GPC5: variants seen among roughly 807,000 people sequenced by gnomAD.
GPC5 encodes glypican-5.
Under a neutral mutation model 53.9 loss-of-function variants are expected in GPC5, and 47 were observed. That is an observed-to-expected ratio of 0.87 (90% CI 0.69 to 1.11). GPC5 has a LOEUF of 1.11. GPC5 is among the 50% of genes most tolerant of loss of function. GPC5 has a pLI of 0.00. For synonymous variants in GPC5, 286 were observed against 263.3 expected (o/e 1.09, Z -0.84); for missense variants, 748 against 713.1 (o/e 1.05, Z -0.56).
At chr13:92,676,690 G>A (rs1290646668) in intron 7 of GPC5, among the ~76,000 whole-genome samples, 12 of 152,164 alleles carry the variant, frequency 7.9e-5, no homozygotes, top group Middle Eastern at 3.4e-3. Context: ...CCTACCCCAC[G>A]ACTATTCAAC....
intron 6 of GPC5, among the ~76,000 whole-genome samples, chr13:92,053,911 A>G (rs1405378001): frequency 6.6e-6 from 1 of 151,878 alleles, no homozygotes; most frequent in Non-Finnish European, 1.5e-5. Flanking sequence ...AGGCGCCTGT[A>G]ATCCCAGCTC....
chr13:92,416,401 A>G (rs7330285), intron 7 of GPC5, among the ~76,000 whole-genome samples: 7 of 152,194 alleles, frequency 4.6e-5, no homozygotes, highest in African/African-American at 1.7e-4. Flanking sequence ...TGCAGATTTG[A>G]TAGTGAGAAT....
At chr13:92,619,956 T>G (rs922270412) in intron 7 of GPC5, among the ~76,000 whole-genome samples, 1 of 152,052 alleles carries the variant, frequency 6.6e-6, no homozygotes, top group African/African-American at 2.4e-5. Flanking sequence ...CAGTATATAA[T>G]GCTAAAATAA....
At chr13:91,641,449 G>A (rs2034428274) in intron 2 of GPC5, among the ~76,000 whole-genome samples, 1 of 152,184 alleles carries the variant, frequency 6.6e-6, no homozygotes, top group Non-Finnish European at 1.5e-5. Context: ...AACACACACT[G>A]GGGCCTGTTG....
At chr13:92,804,659 G>A (rs1454658592) in intron 7 of GPC5, among the ~76,000 whole-genome samples, 2 of 151,896 alleles carry the variant, frequency 1.3e-5, no homozygotes, top group African/African-American at 2.4e-5. Context: ...GATTGGCTGT[G>A]GCAATTTCTT....
At chr13:91,540,223 A>G (rs1322161138) in intron 2 of GPC5, among the ~76,000 whole-genome samples, 2 of 152,216 alleles carry the variant, frequency 1.3e-5, no homozygotes, top group African/African-American at 4.8e-5. Flanking sequence ...TGGCCCTTCC[A>G]GACTCTCTTC....
At chr13:92,525,558 TG>T in intron 7 of GPC5, among the ~76,000 whole-genome samples, 1 of 151,322 alleles carries the variant, frequency 6.6e-6, no homozygotes, top group African/African-American at 2.4e-5. Flanking sequence ...ATAAATATAA[TG>T]GCAGAAAGTT....
rs1879011619 is a variant in GPC5 at position 92,856,694 on chromosome 13, C to A, written c.1562-9588C>A. 2.6e-5 allele frequency among the ~76,000 whole-genome samples: 4 copies of A among 152,028 alleles called. No homozygotes were observed. The South Asian group carries it at 8.3e-4, about 32-fold the overall frequency. On this transcript the variant is annotated intron_variant, in intron 7 of 7. Transcript: ENST00000377067. ...ATTATTACTATATACTAATAACATTCAAGCTGAGAGCCAAATCAATAGCAT... is the reference window on the plus strand; with the variant it reads ...ATTATTACTATATACTAATAACATTAAAGCTGAGAGCCAAATCAATAGCAT...
At chr13:92,782,675 T>C (rs1293679935) in intron 7 of GPC5, among the ~76,000 whole-genome samples, 1 of 152,184 alleles carries the variant, frequency 6.6e-6, no homozygotes, top group Non-Finnish European at 1.5e-5. Context: ...CAATATTACA[T>C]TATTCTTGCT....
chr13:92,560,897 G>GTGTGTA (rs1594305468), intron 7 of GPC5, among the ~76,000 whole-genome samples: 1 of 149,572 alleles, frequency 6.7e-6, no homozygotes, highest in Non-Finnish European at 1.5e-5. Flanking sequence ...GTGTGTGTGT[G>GTGTGTA]TATACATATA....
intron 2 of GPC5, among the ~76,000 whole-genome samples, chr13:91,490,246 T>C (rs1166724575): frequency 6.6e-6 from 1 of 152,020 alleles, no homozygotes; most frequent in Non-Finnish European, 1.5e-5. Context: ...TGAATTTGAG[T>C]GAGATACAGC....
At chr13:91,645,621 A>C (rs1277503001) in intron 2 of GPC5, among the ~76,000 whole-genome samples, 1 of 152,208 alleles carries the variant, frequency 6.6e-6, no homozygotes, top group Non-Finnish European at 1.5e-5. Context: ...GGTCACTTTG[A>C]GAAAGGATTT....
At chr13:92,174,718 C>A (rs557156368) in intron 7 of GPC5, among the ~76,000 whole-genome samples, 3 of 152,122 alleles carry the variant, frequency 2.0e-5, no homozygotes, top group Non-Finnish European at 4.4e-5. Flanking sequence ...GTCAAAAATA[C>A]GGTTCTATTC....
chr13:92,455,296 T>G (rs1483876053), intron 7 of GPC5, among the ~76,000 whole-genome samples: 2 of 152,210 alleles, frequency 1.3e-5, no homozygotes, highest in East Asian at 3.8e-4. Flanking sequence ...ATCTCAGTAT[T>G]CTGCTCAAGG....
intron 6 of GPC5, among the ~76,000 whole-genome samples, chr13:92,008,196 G>A (rs1486105932): frequency 2.6e-5 from 4 of 151,410 alleles, no homozygotes; most frequent in Non-Finnish European, 4.4e-5. Flanking sequence ...CTGAGTAGCT[G>A]GGACTACAGG....
At chr13:92,511,176 T>C (rs1406015430) in intron 7 of GPC5, among the ~76,000 whole-genome samples, 1 of 152,194 alleles carries the variant, frequency 6.6e-6, no homozygotes, top group South Asian at 2.1e-4. Context: ...CTTAATGTAT[T>C]TTTTCTATTT....
intron 6 of GPC5, chr13:91,995,251 A>G (rs1025363821): frequency 6.6e-6 from 1 of 152,132 alleles, no homozygotes; most frequent in African/African-American, 2.4e-5. Flanking sequence ...GGATTACAGG[A>G]GTGAGCCACC....
In GPC5 at chr13:92,834,310, T is replaced by A. The variant is rs1178289582; in HGVS notation, c.1562-31972T>A. 2.0e-5 allele frequency among the ~76,000 whole-genome samples: 3 copies of A among 152,142 alleles called. No homozygotes were observed. The East Asian group carries it at 5.8e-4, about 29-fold the overall frequency. ...AAACTTTGCATATTTTACTCCAACC[T>A]GTTAAAAAATGGTAATTTATAAGAT... On this transcript the variant is annotated intron_variant, in intron 7 of 7. Transcript: ENST00000377067.
intron 7 of GPC5, among the ~76,000 whole-genome samples, chr13:92,480,073 G>C (rs1353602787): frequency 6.6e-6 from 1 of 152,084 alleles, no homozygotes; most frequent in Non-Finnish European, 1.5e-5. Flanking sequence ...GATCACTTGA[G>C]GCCAGGAGTT....
Sources: allele counts gnomAD v4.1 joint callset (sites outside exome capture counted in the v4.1 genomes callset), GRCh38; gene constraint gnomAD v4.1.1; transcripts MANE v1.5; gene names NCBI Gene and HGNC (gene_info 2026-07-23, HGNC 2026-07-21).